SLC38A8: variants seen among roughly 807,000 people sequenced by gnomAD.
SLC38A8 encodes the protein amino acid transporter SLC38A8.
In SLC38A8, 65 loss-of-function variants were observed where a neutral mutation model predicts 46.0. That is an observed-to-expected ratio of 1.41 (90% CI 1.16 to 1.74). The LOEUF (loss-of-function observed/expected upper bound fraction) is 1.74. Among genes scored for constraint, SLC38A8 ranks in the 40% most tolerant of loss-of-function variants. The probability of loss-of-function intolerance (pLI) is 0.00; values close to 1 mark genes in which losing one functional copy is unlikely to be tolerated. For synonymous variants in SLC38A8, 447 were observed against 243.7 expected (o/e 1.83, Z -7.77); for missense variants, 998 against 567.9 (o/e 1.76, Z -7.70).
chr16:84,018,938 C>T (rs758463564), intron 7 of SLC38A8, among the ~76,000 whole-genome samples: 1 of 152,036 alleles, frequency 6.6e-6, no homozygotes, highest in South Asian at 2.1e-4. Flanking sequence ...CCATTGCAGC[C>T]AGAAGTCCCG....
chr16:84,024,881 A>C (rs1160362949), intron 6 of SLC38A8, among the ~76,000 whole-genome samples: 1 of 151,960 alleles, frequency 6.6e-6, no homozygotes, highest in Non-Finnish European at 1.5e-5. Context: ...GGGTTTCACC[A>C]TGTTGTCCAG....
At chr16:84,023,334 G>A (rs1026023684) in intron 6 of SLC38A8, among the ~76,000 whole-genome samples, 2 of 152,024 alleles carry the variant, frequency 1.3e-5, no homozygotes, top group African/African-American at 4.8e-5. Context: ...AGGAATAAAG[G>A]CTCTTGTACT....
Position 84,016,758 on chromosome 16 carries a change from G to A in SLC38A8, c.954-31C>T, listed in dbSNP as rs757547479. On this transcript the variant is annotated intron_variant, in intron 8 of 10. Coordinates refer to ENST00000299709, the MANE Select transcript of SLC38A8 (RefSeq NM_001080442.3). The stretch of plus-strand genomic sequence containing the variant: ...GGCCACAGCCAACACAGACACATGG[G>A]CATCTCAGGGGCACCAGCCTCCACC... 38 of 1,597,182 alleles carry A rather than the reference G, an allele frequency of 2.4e-5. No homozygotes were observed. In the Admixed American group the frequency reaches 5.1e-4, roughly 21 times the overall value.
intron 9 of SLC38A8, among the ~76,000 whole-genome samples, chr16:84,014,866 T>C (rs1250526744): frequency 6.6e-6 from 1 of 152,176 alleles, no homozygotes; most frequent in Non-Finnish European, 1.5e-5. Flanking sequence ...CCCTCAATTC[T>C]TCCATCGCCC....
chr16:84,037,460 G>T (rs1412133643), intron 2 of SLC38A8, among the ~76,000 whole-genome samples: 1 of 152,218 alleles, frequency 6.6e-6, no homozygotes, highest in Non-Finnish European at 1.5e-5. Flanking sequence ...GCGTGTCAGT[G>T]CTCAAGAAAT....
chr16:84,029,276 C>T (rs1376951102), intron 6 of SLC38A8, among the ~76,000 whole-genome samples: 1 of 152,170 alleles, frequency 6.6e-6, no homozygotes, highest in Non-Finnish European at 1.5e-5. Flanking sequence ...TTCCCAAGTT[C>T]AAGGCAATTC....
chr16:84,014,419 G>A (rs979220231), intron 9 of SLC38A8, among the ~76,000 whole-genome samples: 6 of 151,732 alleles, frequency 4.0e-5, no homozygotes, highest in African/African-American at 1.5e-4. Context: ...TGCAGGAGCA[G>A]CTGTGTGGCC....
intron 3 of SLC38A8, 151 bp downstream of exon 3, chr16:84,036,551 C>T: frequency 1.2e-6 from 1 of 864,760 alleles, no homozygotes; most frequent in South Asian, 1.7e-5. Flanking sequence ...AGCCTCCCTT[C>T]CCTACCATGT....
chr16:84,012,411 C>A (rs2084965182), intron 10 of SLC38A8, among the ~76,000 whole-genome samples: 1 of 152,228 alleles, frequency 6.6e-6, no homozygotes, highest in Admixed American at 6.5e-5. Flanking sequence ...ATTATCTGGT[C>A]TCAACAGCAT....
In SLC38A8 at chr16:84,016,499, C is replaced by T; in HGVS notation, c.1162+20G>A. 1 of 1,610,676 alleles carries T rather than the reference C, an allele frequency of 6.2e-7. No homozygotes were observed. Among genetic ancestry groups the T allele is most frequent in the Non-Finnish European group, 8.5e-7 (1 of 1,177,536 alleles). On this transcript the variant is annotated intron_variant, in intron 9 of 10. Coordinates refer to ENST00000299709, the MANE Select transcript of SLC38A8 (RefSeq NM_001080442.3). ...AGGGAAGAACAAGTGGGCAGAAAGC[C>T]TGGAAAGCAGGGGCCTCACCTGGGA...
chr16:84,024,622 A>T (rs72799224), intron 6 of SLC38A8, among the ~76,000 whole-genome samples: 1 of 152,052 alleles, frequency 6.6e-6, no homozygotes, highest in African/African-American at 2.4e-5. Flanking sequence ...CTCTACTAAA[A>T]GTATAAAAAT....
Position 84,036,813 on chromosome 16 carries a change from T to G in SLC38A8, c.277A>C (p.Arg93=). The change falls in exon 3 of 11, where the codon AGG becomes CGG. Residue 93 remains arginine, a synonymous_variant. Transcript: ENST00000299709. ...CCAATGGCAGGGCCACACAGCCCCC[T>G]GACCACACCCTGGTAGGTGGCCTGG... ...SGQATYQGVV[R]GLCGPAIGKL... is the part of the protein sequence containing the mutation. 6.2e-7 allele frequency: 1 copy of G among 1,614,008 alleles called. No individual in the cohort carries two copies. The highest frequency in any genetic ancestry group is 2.2e-5 in the East Asian group (1 of 44,874).
At chr16:84,016,902 G>A (rs558872200) in intron 8 of SLC38A8, 175 bp from the exon 9 acceptor site, 3 of 973,122 alleles carry the variant, frequency 3.1e-6, no homozygotes, top group Non-Finnish European at 4.4e-6. Context: ...GCCACCATCG[G>A]GCAGCCCATG....
chr16:84,036,994 C>G (rs1444631269), intron 2 of SLC38A8, 94 bp from the exon 3 acceptor site: 1 of 1,297,576 alleles, frequency 7.7e-7, no homozygotes, highest in African/African-American at 1.5e-5. Flanking sequence ...CACATGGCTT[C>G]TCATCCACAG....
In SLC38A8 at chr16:84,016,382, G is replaced by C. The variant is rs1029572470; in HGVS notation, c.1162+137C>G. The C allele has an allele frequency of 5.3e-5, 49 of 921,328 alleles. No individual in the cohort carries two copies. The Middle Eastern group carries it at 2.3e-3, about 43-fold the overall frequency. 57.1% of individuals were successfully genotyped at this position (921,328 alleles called of 1,614,324 possible). ...AGCCTGTGCCTGGCTCAATAAAAAG[G>C]GCACCTACATGGGGTCTTAATCCTA... On this transcript the variant is annotated intron_variant, in intron 9 of 10. Coordinates refer to ENST00000299709, the MANE Select transcript of SLC38A8 (RefSeq NM_001080442.3).
At chr16:84,029,440 G>C (rs930392362) in intron 6 of SLC38A8, 54 bp downstream of exon 6, 2 of 1,587,340 alleles carry the variant, frequency 1.3e-6, no homozygotes, top group African/African-American at 2.7e-5. Context: ...GGAGCAGAGA[G>C]TCACCCACAG....
intron 2 of SLC38A8, among the ~76,000 whole-genome samples, chr16:84,038,260 G>C (rs900395733): frequency 1.3e-5 from 2 of 151,666 alleles, no homozygotes; most frequent in Non-Finnish European, 2.9e-5. Context: ...GCAGTAAGCT[G>C]AGATCGTGCC....
chr16:84,026,227 G>C (rs1209403006), intron 6 of SLC38A8, among the ~76,000 whole-genome samples: 1 of 138,128 alleles, frequency 7.2e-6, no homozygotes, highest in South Asian at 2.2e-4. Flanking sequence ...GGTTTCTACT[G>C]GTGTTTTGTT....
chr16:84,031,933 A>G lies in SLC38A8; in HGVS notation c.566T>C (p.Leu189Pro). Residue 189 changes from leucine (L) to proline (P), a missense_variant, in exon 5 of 11, where the codon CTG becomes CCG. Leu to Pro is a moderately conservative substitution (Grantham distance 98, BLOSUM62 -3). Coordinates refer to ENST00000299709, the MANE Select transcript of SLC38A8 (RefSeq NM_001080442.3). ...GAGGTAGTACTGCACGGTGATGACC[A>G]GGGCCAGGTAACAGGCAGCCAGAGT... ...LGTLAACYLA[L>P]VITVQYYLWP... 6.2e-7 allele frequency: 1 copy of G among 1,614,216 alleles called. No individual in the cohort carries two copies. Among genetic ancestry groups the G allele is most frequent in the African/African-American group, 1.3e-5 (1 of 75,082 alleles).
Sources: allele counts gnomAD v4.1 joint callset (sites outside exome capture counted in the v4.1 genomes callset), GRCh38; gene constraint gnomAD v4.1.1; transcripts MANE v1.5; gene names NCBI Gene and HGNC (gene_info 2026-07-23, HGNC 2026-07-21).